The following MDN1 variants were observed in gnomAD, a reference collection of about 807,000 sequenced individuals.
MDN1 encodes the protein midasin AAA ATPase 1.
MDN1 carries 266 observed loss-of-function variants against 669.2 expected under a neutral mutation model. The observed-to-expected ratio is 0.40, with a 90% CI of 0.36 to 0.44. MDN1 has a LOEUF of 0.44. MDN1 is among the 20% of genes least tolerant of loss of function. MDN1 has a pLI of 1.00. For missense variants in MDN1, 5,940 were observed against 6,754.0 expected (o/e 0.88, Z 4.22); for synonymous variants, 2,385 against 2,457.1 (o/e 0.97, Z 0.87).
At chr6:89,776,410 G>A (rs1272581725) in intron 12 of MDN1, among the ~76,000 whole-genome samples, 190 bp downstream of exon 12, 10 of 152,162 alleles carry the variant, frequency 6.6e-5, no homozygotes, top group African/African-American at 2.2e-4. Flanking sequence ...GTGGTGAGCC[G>A]AGATGGCGCC....
chr6:89,734,315 C>CA (rs999221331), intron 33 of MDN1, among the ~76,000 whole-genome samples: 1 of 151,560 alleles, frequency 6.6e-6, no homozygotes, highest in Admixed American at 6.6e-5. Flanking sequence ...AAAACACAAA[C>CA]AATGTTCCAT....
At position 89,674,603 on chromosome 6, in the gene MDN1, C is replaced by T. The variant is rs184874077; in HGVS notation, c.12762-14G>A. 3.2e-4 allele frequency: 482 copies of T among 1,514,312 alleles called. No homozygotes were observed. The African/African-American group carries it at 6.2e-3, about 20-fold the overall frequency. 93.8% of individuals were successfully genotyped at this position (1,514,312 alleles called of 1,614,324 possible). A position where few individuals can be genotyped will look rare whatever the true frequency, so the allele number is the denominator to read the frequency against. On this transcript the variant is annotated splice_polypyrimidine_tract_variant and intron_variant, in intron 78 of 101. Transcript: ENST00000369393. ...CTGAGGAGGTTCCTGTACAGAGAAA[C>T]CCATGGGAAAAACACAATGAATGGC...
chr6:89,740,653 G>A (rs1816244937), intron 31 of MDN1, among the ~76,000 whole-genome samples: 1 of 152,118 alleles, frequency 6.6e-6, no homozygotes, highest in Non-Finnish European at 1.5e-5. Flanking sequence ...CAAATAAATT[G>A]CATGCATTAT....
At chr6:89,812,679 G>A (rs1287271253) in intron 1 of MDN1, among the ~76,000 whole-genome samples, 2 of 142,550 alleles carry the variant, frequency 1.4e-5, no homozygotes, top group Non-Finnish European at 3.2e-5. Flanking sequence ...TAACTGATCA[G>A]TTAGCCCTTC....
chr6:89,790,544 A>C, intron 5 of MDN1, 143 bp from the exon 6 acceptor site: 3 of 1,014,744 alleles, frequency 3.0e-6, no homozygotes, highest in Non-Finnish European at 4.4e-6. Context: ...AACAACAGGT[A>C]TGTCATCTAA....
At chr6:89,784,719 A>G (rs1391832558) in intron 9 of MDN1, among the ~76,000 whole-genome samples, 2 of 152,178 alleles carry the variant, frequency 1.3e-5, no homozygotes, top group East Asian at 3.8e-4. Context: ...ATTTGAATAT[A>G]ATCTAAGAAT....
At position 89,648,323 on chromosome 6, in the gene MDN1, A is replaced by G; in HGVS notation, c.16213T>C (p.Phe5405Leu). 6.2e-7 allele frequency: 1 copy of G among 1,613,718 alleles called. No individual in the cohort carries two copies. Among genetic ancestry groups the G allele is most frequent in the Non-Finnish European group, 8.5e-7 (1 of 1,179,612 alleles). ...TTTCCAATCACAGCCAAAGATTCAA[A>G]TGCAAGCTGTGAATTAGAAAGTTAA... is the stretch of plus-strand genomic sequence containing the variant. ...MVDNHTKQLA[F>L]ESLAVIGNAL... is the part of the protein sequence containing the mutation. The change falls in exon 98 of 102, where the codon TTT becomes CTT. Residue 5405 changes from phenylalanine to leucine, a missense_variant. Phe to Leu is a conservative substitution (Grantham distance 22). This residue lies in a region of MDN1 where 2,280 missense variants were observed against 2,576.3 expected (regional missense o/e 0.88). Transcript: ENST00000369393.
Position 89,756,375 on chromosome 6 carries a change from A to G in MDN1, c.2718T>C (p.Tyr906=), listed in dbSNP as rs1239168394. The G allele has an allele frequency of 1.9e-6, 3 of 1,566,812 alleles. No homozygotes were observed. The highest frequency in any genetic ancestry group is 2.6e-6 in the Non-Finnish European group (3 of 1,146,040). The part of the protein sequence containing the change: ...PGIRNRFTEL[Y]VEELESKEDL... The stretch of plus-strand genomic sequence containing the variant: ...CTTCTTTGCTTTCTAATTCTTCTAC[A>G]TAAAGTTCTGTGAACCTGTAAAACA... Residue 906 remains tyrosine (Y), a synonymous_variant, in exon 20 of 102, where the codon TAT becomes TAC. Coordinates refer to ENST00000369393, the MANE Select transcript of MDN1 (RefSeq NM_014611.3).
chr6:89,688,034 C>A, intron 67 of MDN1, 44 bp downstream of exon 67: 2 of 1,519,118 alleles, frequency 1.3e-6, no homozygotes, highest in Non-Finnish European at 1.8e-6. Flanking sequence ...TATCTTTTGC[C>A]AACTGACCAC....
At chr6:89,776,540 C>T (rs941163074) in intron 12 of MDN1, 60 bp downstream of exon 12, 1 of 1,332,710 alleles carries the variant, frequency 7.5e-7, no homozygotes, top group Non-Finnish European at 1.1e-6. Flanking sequence ...GACCAGCAAG[C>T]AAGCAAGCAA....
intron 79 of MDN1, 47 bp from the exon 80 acceptor site, chr6:89,673,509 C>T: frequency 6.7e-7 from 1 of 1,494,156 alleles, no homozygotes; most frequent in Non-Finnish European, 9.3e-7. Flanking sequence ...TTACAGTTCC[C>T]ACAAACACAC....
chr6:89,712,171 T>C lies in MDN1; in HGVS notation c.7516A>G (p.Asn2506Asp). 1 of 1,614,122 alleles carries C rather than the reference T, an allele frequency of 6.2e-7. No homozygotes were observed. The highest frequency in any genetic ancestry group is 1.6e-4 in the Middle Eastern group (1 of 6,062). Residue 2506 changes from asparagine to aspartate, a missense_variant, in exon 49 of 102, where the codon AAT becomes GAT. Physicochemically the swap from Asn to Asp is conservative, Grantham distance 23. Around this residue, in one of 5 missense-constraint regions of MDN1, gnomAD observed 2,292 missense variants for 2,638.3 expected, o/e 0.87. Coordinates refer to ENST00000369393, the MANE Select transcript of MDN1 (RefSeq NM_014611.3). ...ENLKFNAVEVNTYWIDEPDVL... is the reference protein window; with the variant it reads ...ENLKFNAVEVDTYWIDEPDVL... ...TCTGGTTCATCGATCCAGTAAGTAT[T>C]CACTTCGACTGCATTGAATTTCAGG... is the stretch of plus-strand genomic sequence containing the variant.
Position 89,774,634 on chromosome 6 carries a change from C to A in MDN1, c.1921G>T (p.Val641Phe). ...AGCCCTACTTACCTCTGTAGGTGAA[C>A]AGCCTCACTTTGTTTCCGTAGAAGC... ...VRLLRKQSEAVHLQREKFTFA... is the reference protein window; with the variant it reads ...VRLLRKQSEAFHLQREKFTFA... The change falls in exon 13 of 102, where the codon GTT (valine) becomes TTT (phenylalanine). Residue 641 changes from valine to phenylalanine, a missense_variant. This residue lies in a region of MDN1 where 1,203 missense variants were observed against 1,268.9 expected (regional missense o/e 0.95). Transcript: ENST00000369393. 6.2e-7 allele frequency: 1 copy of A among 1,612,896 alleles called. No homozygotes were observed.
chr6:89,814,294 G>A (rs924675970), intron 1 of MDN1, among the ~76,000 whole-genome samples: 1 of 151,548 alleles, frequency 6.6e-6, no homozygotes, highest in African/African-American at 2.4e-5. Context: ...CCTTAGGACT[G>A]ACAAAACAGA....
intron 40 of MDN1, among the ~76,000 whole-genome samples, chr6:89,719,763 T>C (rs2768941): frequency 0.035 from 5,267 of 152,330 alleles, 122 homozygotes; most frequent in South Asian, 0.13. Context: ...CCATGGTTGG[T>C]GACCGATTTT....
chr6:89,715,754 A>T lies in MDN1; in HGVS notation c.6759T>A (p.Asp2253Glu). The change falls in exon 45 of 102, where the codon GAT (aspartate) becomes GAA (glutamate). Residue 2253 changes from aspartate to glutamate, a missense_variant. Transcript: ENST00000369393. ...NVNFCNPSVL[D>E]RLNALLEPGG... ...CGGGTTCAAGCAAAGCATTCAAACGATCCAACACTGATGGGCTGCAGAGAC... is the reference window on the plus strand; with the variant it reads ...CGGGTTCAAGCAAAGCATTCAAACGTTCCAACACTGATGGGCTGCAGAGAC... 6.2e-7 allele frequency: 1 copy of T among 1,611,096 alleles called. No individual in the cohort carries two copies. The highest frequency in any genetic ancestry group is 8.5e-7 in the Non-Finnish European group (1 of 1,177,262).
At position 89,694,133 on chromosome 6, in the gene MDN1, C is replaced by T; in HGVS notation, c.9822G>A (p.Leu3274=). 6.2e-7 allele frequency: 1 copy of T among 1,614,200 alleles called. No homozygotes were observed. The highest frequency in any genetic ancestry group is 8.5e-7 in the Non-Finnish European group (1 of 1,180,024). ...CATCTTCCAGGTCTCTTCCAGTCTG[C>T]AGCTGGGATGACAGGTTCCGGGTCT... ...EWKTRNLSSQ[L]QTGRDLEDEV... Residue 3274 remains leucine (L), a synonymous_variant, in exon 62 of 102, where the codon CTG becomes CTA. Transcript: ENST00000369393.
intron 5 of MDN1, among the ~76,000 whole-genome samples, chr6:89,793,184 G>A (rs1041582544): frequency 6.6e-6 from 1 of 152,226 alleles, no homozygotes; most frequent in African/African-American, 2.4e-5. Context: ...CAATGAGATA[G>A]TTCTGAAAGA....
Position 89,745,403 on chromosome 6 carries a change from A to C in MDN1, c.4048T>G (p.Ser1350Ala). ...CACTCCAATGTGGATATCTGAGTAG[A>C]CAATTTACCTATCCAAGGAAAAATA... ...ENVLKLLGKL[S>A]TQISTLECNF... The change falls in exon 29 of 102, where the codon TCT (serine) becomes GCT (alanine). Residue 1350 changes from serine (S) to alanine (A), a missense_variant. Physicochemically the swap from Ser to Ala is moderately conservative, Grantham distance 99. Around this residue, in one of 5 missense-constraint regions of MDN1, gnomAD observed 2,292 missense variants for 2,638.3 expected, o/e 0.87. Coordinates refer to ENST00000369393, the MANE Select transcript of MDN1 (RefSeq NM_014611.3). 2 of 1,614,072 alleles carry C rather than the reference A, an allele frequency of 1.2e-6. No individual in the cohort carries two copies. The highest frequency in any genetic ancestry group is 1.6e-4 in the Middle Eastern group (1 of 6,062).
Sources: gnomAD v4.1 joint callset for allele counts (sites outside exome capture counted in the v4.1 genomes callset) on GRCh38, gnomAD v4.1.1 for gene constraint, gnomAD v4.1.1 regional missense constraint, MANE v1.5 for transcripts, NCBI Gene and HGNC (gene_info 2026-07-23, HGNC 2026-07-21) for gene names.